Variants in CACNA1C observed in about 807,000 individuals in gnomAD.
CACNA1C encodes calcium voltage-gated channel subunit alpha1 C.
A neutral mutation model predicts 229.0 loss-of-function variants in CACNA1C; 30 were observed. The observed-to-expected ratio is 0.13, with a 90% confidence interval of 0.10 to 0.18. The LOEUF is 0.18. Among genes scored for constraint, CACNA1C ranks in the 10% least tolerant of loss-of-function variants. The pLI, the probability that CACNA1C is intolerant of heterozygous loss-of-function variation, is 1.00. For synonymous variants in CACNA1C, 1,114 were observed against 1,132.5 expected (o/e 0.98, Z 0.33); for missense variants, 1,658 against 2,845.0 (o/e 0.58, Z 9.49).
intron 3 of CACNA1C, among the ~76,000 whole-genome samples, chr12:2,268,765 A>G (rs142033190): frequency 1.3e-5 from 2 of 152,330 alleles, no homozygotes; most frequent in African/African-American, 2.4e-5. Flanking sequence ...GACTGTGGCT[A>G]GAAACACCAT....
intron 3 of CACNA1C, among the ~76,000 whole-genome samples, chr12:2,317,848 C>T (rs555164930): frequency 2.6e-5 from 4 of 152,228 alleles, no homozygotes; most frequent in South Asian, 4.1e-4. Context: ...GAGGAAACGG[C>T]GCCATCTCCT....
At chr12:2,435,442 C>T in intron 3 of CACNA1C, among the ~76,000 whole-genome samples, 1 of 152,176 alleles carries the variant, frequency 6.6e-6, no homozygotes, top group East Asian at 1.9e-4. Context: ...GTCCTTTGTC[C>T]CAGTGCTCTC....
intron 3 of CACNA1C, among the ~76,000 whole-genome samples, chr12:2,250,331 T>C (rs916923996): frequency 6.6e-6 from 1 of 152,122 alleles, no homozygotes; most frequent in Non-Finnish European, 1.5e-5. Context: ...CTCAGCTTAT[T>C]AACAGGGCAG....
intron 3 of CACNA1C, among the ~76,000 whole-genome samples, chr12:2,255,441 G>A (rs1315177171): frequency 3.9e-5 from 6 of 152,174 alleles, no homozygotes; most frequent in Non-Finnish European, 8.8e-5. Flanking sequence ...ATCCATGCCT[G>A]CAAGAAGGAA....
intron 3 of CACNA1C, among the ~76,000 whole-genome samples, chr12:2,306,651 A>G (rs1451515811): frequency 6.6e-6 from 1 of 152,198 alleles, no homozygotes; most frequent in African/African-American, 2.4e-5. Context: ...GTATATCCCA[A>G]ATTGACTTTC....
intron 7 of CACNA1C, among the ~76,000 whole-genome samples, chr12:2,503,930 C>T (rs1219219243): frequency 1.3e-5 from 2 of 152,226 alleles, no homozygotes; most frequent in African/African-American, 2.4e-5. Flanking sequence ...GCTTGGCCCA[C>T]GGTCCAGGTG....
intron 29 of CACNA1C, among the ~76,000 whole-genome samples, chr12:2,623,920 C>T (rs977627619): frequency 6.6e-6 from 1 of 152,220 alleles, no homozygotes; most frequent in Admixed American, 6.5e-5. Context: ...AAGGCAAAGA[C>T]AGTGGCTCCG....
intron 1 of CACNA1C, among the ~76,000 whole-genome samples, chr12:2,024,015 G>A (rs1181776962): frequency 1.3e-5 from 2 of 152,216 alleles, no homozygotes; most frequent in Non-Finnish European, 2.9e-5. Flanking sequence ...CAATAGCTAA[G>A]CCCTGCACTT....
At chr12:2,307,967 G>A (rs2095176936) in intron 3 of CACNA1C, among the ~76,000 whole-genome samples, 1 of 152,316 alleles carries the variant, frequency 6.6e-6, no homozygotes, top group East Asian at 1.9e-4. Flanking sequence ...GAGGTCTGGG[G>A]TGGAAGACAA....
chr12:2,090,129 G>GT (rs2069981186), intron 1 of CACNA1C, among the ~76,000 whole-genome samples: 1 of 152,050 alleles, frequency 6.6e-6, no homozygotes, highest in Non-Finnish European at 1.5e-5. Flanking sequence ...TCTACTCTCT[G>GT]TTTTTATGCA....
chr12:2,377,850 C>T (rs756938321), intron 3 of CACNA1C, among the ~76,000 whole-genome samples: 1 of 152,196 alleles, frequency 6.6e-6, no homozygotes, highest in African/African-American at 2.4e-5. Context: ...GAAGAACACA[C>T]GAGGCCTCCC....
chr12:2,469,572 TTC>T (rs2099579479), intron 5 of CACNA1C, among the ~76,000 whole-genome samples: 1 of 152,162 alleles, frequency 6.6e-6, no homozygotes, highest in South Asian at 2.1e-4. Flanking sequence ...TTGCTTCCAG[TTC>T]TAAGCTGGGA....
At chr12:2,097,362 A>T (rs10848613) in intron 1 of CACNA1C, among the ~76,000 whole-genome samples, 1 of 151,654 alleles carries the variant, frequency 6.6e-6, no homozygotes, top group East Asian at 1.9e-4. Context: ...TAGCCAGGAT[A>T]GTCTCGATCT....
rs552104581 is a variant in CACNA1C, at chr12:2,201,418, T to C, written c.477+80988T>C. Among the ~76,000 whole-genome samples the C allele has an allele frequency of 5.3e-5, 8 of 152,350 alleles. 1 individual carries two copies. The highest frequency in any genetic ancestry group is 5.2e-4 in the Admixed American group (8 of 15,306). ...AACCCACTAACACTTTTTTCTTCAC[T>C]GCCCAGCCTGGCTCCTCCTCTTAGG... On this transcript the variant is annotated intron_variant, in intron 3 of 46. Transcript: ENST00000399655.
intron 3 of CACNA1C, among the ~76,000 whole-genome samples, chr12:2,192,089 C>T (rs1047938707): frequency 3.3e-5 from 5 of 152,120 alleles, no homozygotes; most frequent in African/African-American, 4.8e-5. Flanking sequence ...CACACATGCA[C>T]GCACATGGGC....
chr12:2,502,096 A>C (rs1455404173), intron 7 of CACNA1C, among the ~76,000 whole-genome samples: 1 of 152,162 alleles, frequency 6.6e-6, no homozygotes, highest in Admixed American at 6.5e-5. Context: ...CCTCAGCCTC[A>C]CGCAGACACT....
intron 7 of CACNA1C, among the ~76,000 whole-genome samples, chr12:2,498,084 A>G (rs934429387): frequency 2.0e-5 from 3 of 152,156 alleles, no homozygotes; most frequent in Admixed American, 6.5e-5. Context: ...AAGCAGGTTG[A>G]ATTGGGTGTT....
At chr12:2,434,051 G>A (rs1054948907) in intron 3 of CACNA1C, among the ~76,000 whole-genome samples, 12 of 152,136 alleles carry the variant, frequency 7.9e-5, no homozygotes, top group African/African-American at 2.9e-4. Context: ...CATGGACATG[G>A]CAAGGGCTCC....
chr12:2,475,235 C>T (rs1265335698), intron 5 of CACNA1C, among the ~76,000 whole-genome samples: 1 of 151,364 alleles, frequency 6.6e-6, no homozygotes, highest in Non-Finnish European at 1.5e-5. Flanking sequence ...GTAGGTGGAG[C>T]TTGCAGTGAG....
Sources: gnomAD v4.1 joint callset for allele counts (sites outside exome capture counted in the v4.1 genomes callset) on GRCh38, gnomAD v4.1.1 for gene constraint, MANE v1.5 for transcripts, NCBI Gene and HGNC (gene_info 2026-07-23, HGNC 2026-07-21) for gene names.